The following KIF18A variants were observed in gnomAD, a reference collection of about 807,000 sequenced individuals.
The protein encoded by KIF18A is kinesin-like protein KIF18A.
Under a neutral mutation model 103.3 loss-of-function variants are expected in KIF18A, and 67 were observed. The ratio of observed to expected loss-of-function variants is 0.65; its 90% CI spans 0.53 to 0.79. The LOEUF is 0.79. Ranked by LOEUF, KIF18A falls within the 30% of genes least tolerant of loss-of-function variation. The pLI, the probability that KIF18A is intolerant of heterozygous loss-of-function variation, is 0.00. For synonymous variants in KIF18A, 367 were observed against 355.5 expected, an observed-to-expected ratio of 1.03 and a Z score of -0.36; for missense variants, 1,032 against 1,062.5, an observed-to-expected ratio of 0.97 and a Z score of 0.40.
At chr11:28,036,769 G>A in intron 13 of KIF18A, 105 bp from the exon 14 acceptor site, 1 of 617,020 alleles carries the variant, frequency 1.6e-6, no homozygotes, top group Non-Finnish European at 2.6e-6. Context: ...GTATTTTTAT[G>A]CCAATTGATA....
intron 12 of KIF18A, among the ~76,000 whole-genome samples, chr11:28,060,028 T>C (rs963951949): frequency 5.3e-5 from 8 of 152,144 alleles, no homozygotes; most frequent in African/African-American, 1.9e-4. Context: ...GGAGTATAAA[T>C]AATCGTTAGG....
At chr11:28,082,212 G>A (rs1851174171) in intron 9 of KIF18A, among the ~76,000 whole-genome samples, 1 of 152,120 alleles carries the variant, frequency 6.6e-6, no homozygotes, top group South Asian at 2.1e-4. Context: ...ATAGAGCAGT[G>A]GCAAGGTTTG....
rs1590654438 is a variant in KIF18A at position 28,021,162 on chromosome 11, G to C, written c.*38C>G. On this transcript the variant is annotated 3_prime_UTR_variant, in exon 17 of 17. Coordinates refer to ENST00000263181, the MANE Select transcript of KIF18A (RefSeq NM_031217.4). ...GGGTATTGATAAACTTTGAAAAGCA[G>C]ATTTGATCAACTTCATTTTGCTTGG... 1 of 1,453,582 alleles carries C rather than the reference G, an allele frequency of 6.9e-7. No individual in the cohort carries two copies. The highest frequency in any genetic ancestry group is 9.1e-7 in the Non-Finnish European group (1 of 1,099,024). The allele number at this position is 1,453,582 out of a possible 1,614,324, so 90.0% of individuals were successfully genotyped here. A position where few individuals can be genotyped will look rare whatever the true frequency, so the allele number is the denominator to read the frequency against.
At chr11:28,058,867 T>C in intron 13 of KIF18A, 59 bp downstream of exon 13, 2 of 1,287,402 alleles carry the variant, frequency 1.6e-6, no homozygotes, top group Non-Finnish European at 2.2e-6. Context: ...TAGATTGATA[T>C]ACAAAGGTTC....
At chr11:28,086,241 C>G (rs1464099291) in intron 6 of KIF18A, among the ~76,000 whole-genome samples, 1 of 151,898 alleles carries the variant, frequency 6.6e-6, no homozygotes, top group African/African-American at 2.4e-5. Context: ...TACAAATATA[C>G]TAGAGGAATA....
chr11:28,075,705 A>G (rs1851081358), intron 10 of KIF18A, among the ~76,000 whole-genome samples: 1 of 151,984 alleles, frequency 6.6e-6, no homozygotes, highest in African/African-American at 2.4e-5. Context: ...TTATTTCTCC[A>G]TCTGTTTTGT....
intron 11 of KIF18A, among the ~76,000 whole-genome samples, chr11:28,065,993 T>C (rs960593992): frequency 6.6e-6 from 1 of 152,050 alleles, no homozygotes; most frequent in Non-Finnish European, 1.5e-5. Flanking sequence ...CAAAAAATTG[T>C]TTCAAGACTC....
chr11:28,021,545 A>AAT (rs1850245482), intron 16 of KIF18A, among the ~76,000 whole-genome samples: 1 of 152,216 alleles, frequency 6.6e-6, no homozygotes, highest in Non-Finnish European at 1.5e-5. Context: ...CGCTGAATTA[A>AAT]ATACTATGTT....
At chr11:28,103,284 T>C (rs1167686240) in intron 1 of KIF18A, among the ~76,000 whole-genome samples, 1 of 150,974 alleles carries the variant, frequency 6.6e-6, no homozygotes, top group Non-Finnish European at 1.5e-5. Context: ...ATTTTCAGAT[T>C]AGAGATCCTC....
rs1029970976 is a variant in KIF18A, at chr11:28,034,086, C to G, written c.2504+1301G>C. Among the ~76,000 whole-genome samples the G allele has an allele frequency of 4.0e-5, 6 of 151,844 alleles. No homozygotes were observed. The East Asian group carries it at 1.2e-3, about 30-fold the overall frequency. On this transcript the variant is annotated intron_variant, in intron 15 of 16. Coordinates refer to ENST00000263181, the MANE Select transcript of KIF18A (RefSeq NM_031217.4). Reference sequence around the variant, plus strand: ...AATTGATTTATTGAGTTCTTCATCTCAGTAAATTCTATATTTTCAGTTCTA... The same window carrying G: ...AATTGATTTATTGAGTTCTTCATCTGAGTAAATTCTATATTTTCAGTTCTA...
At position 28,082,933 on chromosome 11, in the gene KIF18A, T is replaced by G; in HGVS notation, c.1185A>C (p.Glu395Asp). 1 of 1,599,638 alleles carries G rather than the reference T, an allele frequency of 6.3e-7. No homozygotes were observed. Among genetic ancestry groups the G allele is most frequent in the Non-Finnish European group, 8.5e-7 (1 of 1,172,212 alleles). Residue 395 changes from glutamate to aspartate, a missense_variant, in exon 9 of 17, where the codon GAA becomes GAC. Glu to Asp is a conservative substitution (Grantham distance 45, BLOSUM62 2). Transcript: ENST00000263181. ...TTTCATTAGTGAAGGCTTTCTGTTC[T>G]TCATAGGCTTTTAGTTTTTCTTTTA... ...LLLKEKLKAY[E>D]EQKAFTNEND...
chr11:28,035,472 T>C lies in KIF18A; in HGVS notation c.2419A>G (p.Thr807Ala), dbSNP rs1347929881. The C allele has an allele frequency of 4.4e-6, 7 of 1,594,316 alleles. No individual in the cohort carries two copies. In the Admixed American group the frequency reaches 1.0e-4, roughly 23 times the overall value. The change falls in exon 15 of 17, where the codon ACT (threonine) becomes GCT (alanine). Residue 807 changes from threonine to alanine, a missense_variant. Physicochemically the swap from Thr to Ala is moderately conservative, Grantham distance 58 (BLOSUM62 0). Coordinates refer to ENST00000263181, the MANE Select transcript of KIF18A (RefSeq NM_031217.4). Reference sequence around the variant, plus strand: ...CTTGGTACAGGCATAGAATGCTTAGTTGAGAATGAAGAAGGATCAAGCCTG... The same window carrying C: ...CTTGGTACAGGCATAGAATGCTTAGCTGAGAATGAAGAAGGATCAAGCCTG... ...LQRLDPSSFS[T>A]KHSMPVPSMV...
intron 15 of KIF18A, among the ~76,000 whole-genome samples, chr11:28,026,898 C>T (rs946871255): frequency 1.3e-5 from 2 of 151,618 alleles, no homozygotes; most frequent in African/African-American, 4.8e-5. Context: ...TGTATATAAA[C>T]CAGAATAATT....
rs1565084738 is a variant in KIF18A at position 28,075,676 on chromosome 11, GAATCTTGTCTA to G, written c.1425+1320_1425+1330del. On this transcript the variant is annotated intron_variant, in intron 10 of 16. Coordinates refer to ENST00000263181, the MANE Select transcript of KIF18A (RefSeq NM_031217.4). The stretch of plus-strand genomic sequence containing the variant: ...TTCTGTCATATTTGCTAAGAGTACT[GAATCTTGTCTA>G]GAGTGAATTATTTCTCCATCTGTTT... Among the ~76,000 whole-genome samples the G allele has an allele frequency of 2.6e-5, 4 of 152,056 alleles. No individual in the cohort carries two copies. The East Asian group carries it at 7.7e-4, about 29-fold the overall frequency.
chr11:28,048,842 G>A (rs560271455), intron 13 of KIF18A, among the ~76,000 whole-genome samples: 8 of 152,096 alleles, frequency 5.3e-5, no homozygotes, highest in Non-Finnish European at 1.0e-4. Context: ...AGGCCAAGAA[G>A]TGGGATGGAT....
intron 11 of KIF18A, among the ~76,000 whole-genome samples, chr11:28,064,265 T>G (rs1478862564): frequency 3.3e-5 from 5 of 151,962 alleles, no homozygotes; most frequent in Non-Finnish European, 5.9e-5. Flanking sequence ...GTCATGTGAT[T>G]TTAGAGACGG....
intron 15 of KIF18A, among the ~76,000 whole-genome samples, chr11:28,029,481 C>G (rs1364810773): frequency 1.3e-5 from 2 of 152,046 alleles, no homozygotes; most frequent in African/African-American, 2.4e-5. Flanking sequence ...ATTCAACAGC[C>G]CTTCATGCTA....
At chr11:28,093,642 T>A (rs557142066) in intron 3 of KIF18A, among the ~76,000 whole-genome samples, 6 of 152,018 alleles carry the variant, frequency 3.9e-5, no homozygotes, top group South Asian at 2.1e-4. Context: ...AATTTGAACA[T>A]ACAAAAAATG....
chr11:28,042,791 T>C (rs908846942), intron 13 of KIF18A, among the ~76,000 whole-genome samples: 1 of 151,894 alleles, frequency 6.6e-6, no homozygotes, highest in African/African-American at 2.4e-5. Flanking sequence ...AGATTCCCTT[T>C]AAAATGATCA....
Sources: allele counts gnomAD v4.1 joint callset (sites outside exome capture counted in the v4.1 genomes callset), GRCh38; gene constraint gnomAD v4.1.1; transcripts MANE v1.5; gene names NCBI Gene and HGNC (gene_info 2026-07-23, HGNC 2026-07-21).